FAT3: variants seen among roughly 807,000 people sequenced by gnomAD.
FAT3 encodes FAT atypical cadherin 3.
FAT3 carries 95 observed loss-of-function variants against 310.2 expected under a neutral mutation model. The ratio of observed to expected loss-of-function variants is 0.31; its 90% confidence interval spans 0.26 to 0.36. The LOEUF (loss-of-function observed/expected upper bound fraction) is 0.36, where lower values mean the gene tolerates loss of function less well. Among genes scored for constraint, FAT3 ranks in the 10% least tolerant of loss-of-function variants. The probability of loss-of-function intolerance (pLI) is 1.00; values close to 1 mark genes in which losing one functional copy is unlikely to be tolerated. For synonymous variants in FAT3, 2,314 were observed against 2,192.9 expected (o/e 1.06, Z -1.54); for missense variants, 5,408 against 5,715.6 (o/e 0.95, Z 1.74).
intron 4 of FAT3, among the ~76,000 whole-genome samples, chr11:92,714,845 T>C (rs1944627504): frequency 6.6e-6 from 1 of 152,142 alleles, no homozygotes; most frequent in Non-Finnish European, 1.5e-5. Flanking sequence ...GTTGAATGAA[T>C]GAATGAATGA....
intron 3 of FAT3, among the ~76,000 whole-genome samples, chr11:92,674,144 G>T (rs1943214169): frequency 6.6e-6 from 1 of 151,098 alleles, no homozygotes; most frequent in African/African-American, 2.4e-5. Flanking sequence ...TCATGCCATT[G>T]CACTTCAGCC....
intron 3 of FAT3, among the ~76,000 whole-genome samples, chr11:92,632,671 A>G (rs1215198085): frequency 2.0e-5 from 3 of 152,202 alleles, no homozygotes; most frequent in Admixed American, 6.5e-5. Flanking sequence ...ACATTCCCAC[A>G]GTGGAACTCA....
At position 92,836,696 on chromosome 11, in the gene FAT3, G is replaced by A. The variant is rs535802651; in HGVS notation, c.10217G>A (p.Arg3406Gln). The A allele has an allele frequency of 9.9e-6, 16 of 1,613,008 alleles. No individual in the cohort carries two copies. Among genetic ancestry groups the A allele is most frequent in the African/African-American group, 4.0e-5 (3 of 75,010 alleles). ...GTGAAAGTTAAGAAGAAATTGGACC[G>A]GGAACGGGTAAGCTAGTTTAGGACA... is the stretch of plus-strand genomic sequence containing the variant. ...GLVKVKKKLDRERVSGYSLLV... is the reference protein window; with the variant it reads ...GLVKVKKKLDQERVSGYSLLV... Residue 3406 changes from arginine to glutamine, a missense_variant, in exon 16 of 28, where the codon CGG (arginine) becomes CAG (glutamine). Arg to Gln is a conservative substitution (Grantham distance 43). Transcript: ENST00000525166.
At chr11:92,507,642 G>C (rs1267788169) in intron 2 of FAT3, among the ~76,000 whole-genome samples, 1 of 150,612 alleles carries the variant, frequency 6.6e-6, no homozygotes, top group East Asian at 2.0e-4. Flanking sequence ...AGGAGATGTG[G>C]AATATATACA....
At chr11:92,548,784 G>A (rs903772098) in intron 3 of FAT3, among the ~76,000 whole-genome samples, 5 of 151,806 alleles carry the variant, frequency 3.3e-5, no homozygotes, top group South Asian at 2.1e-4. Context: ...TGAGAGAGGG[G>A]GTATTTTCCT....
intron 3 of FAT3, among the ~76,000 whole-genome samples, chr11:92,566,481 A>C (rs1955450674): frequency 6.6e-6 from 1 of 152,012 alleles, no homozygotes; most frequent in South Asian, 2.1e-4. Flanking sequence ...TTATAGATTC[A>C]ATGCCATCCC....
At chr11:92,797,711 A>C (rs917664512) in intron 9 of FAT3, 125 bp from the exon 10 acceptor site, 4 of 783,116 alleles carry the variant, frequency 5.1e-6, no homozygotes, top group Non-Finnish European at 8.2e-6. Context: ...AGAATGACAC[A>C]GATGAGTACT....
chr11:92,340,617 G>A (rs911684903), intron 1 of FAT3, among the ~76,000 whole-genome samples: 1 of 152,270 alleles, frequency 6.6e-6, no homozygotes, highest in South Asian at 2.1e-4. Context: ...TCATTTCAAG[G>A]ATACAACATG....
At chr11:92,736,783 T>C (rs1945362613) in intron 4 of FAT3, among the ~76,000 whole-genome samples, 1 of 152,200 alleles carries the variant, frequency 6.6e-6, no homozygotes, top group African/African-American at 2.4e-5. Flanking sequence ...AAGTGAGAAT[T>C]TGATTCATTT....
chr11:92,618,727 A>G (rs1940940890), intron 3 of FAT3, among the ~76,000 whole-genome samples: 1 of 152,190 alleles, frequency 6.6e-6, no homozygotes, highest in South Asian at 2.1e-4. Flanking sequence ...CCCATTTATT[A>G]GCTCCAACAT....
At position 92,800,983 on chromosome 11, in the gene FAT3, A is replaced by G; in HGVS notation, c.7970A>G (p.Asn2657Ser). ...GACCTCCTGGAAATCGATCCTGACA[A>G]TGGCTGGATGGTCACAAAGGGTAAT... ...VADLLEIDPD[N>S]GWMVTKGNFN... Residue 2657 changes from asparagine to serine, a missense_variant, in exon 10 of 28, where the codon AAT (asparagine) becomes AGT (serine). Asn to Ser is a conservative substitution (Grantham distance 46). Transcript: ENST00000525166. The G allele has an allele frequency of 1.2e-6, 2 of 1,613,428 alleles. No homozygotes were observed. The highest frequency in any genetic ancestry group is 1.1e-5 in the South Asian group (1 of 90,896).
intron 4 of FAT3, among the ~76,000 whole-genome samples, chr11:92,709,904 A>T (rs1375668695): frequency 6.6e-6 from 1 of 152,160 alleles, no homozygotes; most frequent in East Asian, 1.9e-4. Context: ...TCCTTGGGAG[A>T]TCATAAATAC....
rs1168740875 is a variant in FAT3, at chr11:92,649,871, GTTCATATATATATATATATATATATATA to G, written c.3608-47511_3608-47484del. Among the ~76,000 whole-genome samples the G allele has an allele frequency of 7.0e-5, 8 of 114,094 alleles. 1 individual carries two copies. The highest frequency in any genetic ancestry group is 3.6e-4 in the East Asian group (1 of 2,796). The allele number at this position is 114,094 out of a possible 152,430, so 74.9% of individuals were successfully genotyped here. A position where few individuals can be genotyped will look rare whatever the true frequency, so the allele number is the denominator to read the frequency against. Reference sequence around the variant, plus strand: ...CATTTGTTAAACACCCACTTTGTATGTTCATATATATATATATATATATATATATATATATATATATATATGCACCTTC... The same window carrying G: ...CATTTGTTAAACACCCACTTTGTATGTATATATATATATATATGCACCTTC... On this transcript the variant is annotated intron_variant, in intron 3 of 27. Coordinates refer to ENST00000525166, the MANE Select transcript of FAT3 (RefSeq NM_001367949.2).
intron 2 of FAT3, among the ~76,000 whole-genome samples, chr11:92,372,664 AT>A (rs10709845): frequency 0.22 from 32,284 of 147,052 alleles, 5,105 homozygotes; most frequent in African/African-American, 0.45. Context: ...TGGGCAAACA[AT>A]TTTTTTTTTT....
chr11:92,687,306 C>T (rs1337547832), intron 3 of FAT3, among the ~76,000 whole-genome samples: 1 of 152,156 alleles, frequency 6.6e-6, no homozygotes. Flanking sequence ...ATGTAAGTTT[C>T]CTTGTCCATA....
chr11:92,299,542 C>T (rs1183419777), intron 1 of FAT3, among the ~76,000 whole-genome samples: 13 of 151,950 alleles, frequency 8.6e-5, no homozygotes, highest in Non-Finnish European at 1.9e-4. Flanking sequence ...AGGAGGAAGA[C>T]AATAAATACA....
intron 3 of FAT3, among the ~76,000 whole-genome samples, chr11:92,678,630 A>T (rs1943368695): frequency 6.6e-6 from 1 of 152,084 alleles, no homozygotes; most frequent in Non-Finnish European, 1.5e-5. Flanking sequence ...TCTAATAATG[A>T]CTTTTTTTAA....
intron 4 of FAT3, among the ~76,000 whole-genome samples, chr11:92,729,718 C>T (rs920769371): frequency 6.6e-6 from 1 of 151,624 alleles, no homozygotes; most frequent in African/African-American, 2.4e-5. Flanking sequence ...AGCCACTGCA[C>T]CTGGCCCCCA....
rs1482220473 is a variant in FAT3 at position 92,353,635 on chromosome 11, C to T, written c.1523C>T (p.Thr508Ile). The T allele has an allele frequency of 6.2e-7, 1 of 1,613,872 alleles. No homozygotes were observed. The highest frequency in any genetic ancestry group is 8.5e-7 in the Non-Finnish European group (1 of 1,179,870). ...DKDKGENGYI[T>I]YSIASLNLLP... ...GATAAAGGAGAAAATGGGTACATCACCTATAGTATCGCTAGCCTGAATTTG... is the reference window on the plus strand; with the variant it reads ...GATAAAGGAGAAAATGGGTACATCATCTATAGTATCGCTAGCCTGAATTTG... Residue 508 changes from threonine to isoleucine, a missense_variant, in exon 2 of 28, where the codon ACC (threonine) becomes ATC (isoleucine). Around this residue, in one of 5 missense-constraint regions of FAT3, gnomAD observed 4,588 missense variants for 4,809.8 expected, o/e 0.95. Transcript: ENST00000525166.
Sources: allele counts gnomAD v4.1 joint callset (sites outside exome capture counted in the v4.1 genomes callset), GRCh38; gene constraint gnomAD v4.1.1; regional missense constraint gnomAD v4.1.1; transcripts MANE v1.5; gene names NCBI Gene and HGNC (gene_info 2026-07-23, HGNC 2026-07-21).